The following SLIT1 variants were observed in gnomAD, a reference collection of about 807,000 sequenced individuals.
SLIT1 encodes the protein slit homolog 1 protein.
Under a neutral mutation model 186.1 loss-of-function variants are expected in SLIT1, and 66 were observed. The observed-to-expected ratio is 0.35, with a 90% CI of 0.29 to 0.44. The LOEUF (loss-of-function observed/expected upper bound fraction) is 0.44. SLIT1 is among the 20% of genes least tolerant of loss of function. The probability of loss-of-function intolerance (pLI) is 1.00; values close to 1 mark genes in which losing one functional copy is unlikely to be tolerated. For synonymous variants in SLIT1, 761 were observed against 833.8 expected, an observed-to-expected ratio of 0.91 and a Z score of 1.50; for missense variants, 1,638 against 2,037.4, an observed-to-expected ratio of 0.80 and a Z score of 3.77.
chr10:97,035,919 A>G (rs1042008930), intron 22 of SLIT1, among the ~76,000 whole-genome samples: 6 of 152,086 alleles, frequency 3.9e-5, no homozygotes, highest in Admixed American at 6.5e-5. Flanking sequence ...CCCTCCCCGC[A>G]AGCCGCCTCC....
chr10:97,110,436 G>A (rs962935508), intron 4 of SLIT1, among the ~76,000 whole-genome samples: 1 of 152,112 alleles, frequency 6.6e-6, no homozygotes. Context: ...ACACCAAAAG[G>A]AAAGTGGGCA....
chr10:97,124,067 T>C (rs1849583309), intron 4 of SLIT1, among the ~76,000 whole-genome samples: 1 of 152,152 alleles, frequency 6.6e-6, no homozygotes, highest in African/African-American at 2.4e-5. Flanking sequence ...TTAACAGCAT[T>C]ATGCAGCGGA....
intron 11 of SLIT1, chr10:97,058,135 A>T (rs1272049323): frequency 7.1e-6 from 5 of 699,926 alleles, no homozygotes; most frequent in Non-Finnish European, 1.3e-5. Context: ...TGGGACAGTA[A>T]CTTGGTCTTT....
At chr10:97,109,795 G>A (rs1212281007) in intron 4 of SLIT1, among the ~76,000 whole-genome samples, 2 of 152,038 alleles carry the variant, frequency 1.3e-5, no homozygotes, top group African/African-American at 2.4e-5. Context: ...GAGAAACATC[G>A]CCGACAAACC....
intron 4 of SLIT1, among the ~76,000 whole-genome samples, chr10:97,147,891 T>C (rs940387700): frequency 2.0e-5 from 3 of 152,048 alleles, no homozygotes; most frequent in African/African-American, 7.2e-5. Flanking sequence ...TCCACTGGAG[T>C]CCAGTTCTTC....
intron 28 of SLIT1, among the ~76,000 whole-genome samples, chr10:97,017,951 C>T (rs1337700339): frequency 1.3e-5 from 2 of 151,262 alleles, no homozygotes; most frequent in African/African-American, 2.4e-5. Flanking sequence ...CAGTTTCAAG[C>T]GATTCTCCTG....
intron 4 of SLIT1, among the ~76,000 whole-genome samples, chr10:97,070,461 G>A (rs1346700072): frequency 6.6e-6 from 1 of 152,296 alleles, no homozygotes; most frequent in East Asian, 1.9e-4. Flanking sequence ...CACCAGTGCA[G>A]ACCCAACCAC....
chr10:97,026,388 C>T (rs1403738799), intron 25 of SLIT1, among the ~76,000 whole-genome samples: 7 of 151,318 alleles, frequency 4.6e-5, no homozygotes, highest in African/African-American at 1.5e-4. Flanking sequence ...TGGTTGAACC[C>T]GGGAGGCGGA....
At chr10:97,179,621 A>T (rs1850303879) in intron 1 of SLIT1, among the ~76,000 whole-genome samples, 1 of 152,166 alleles carries the variant, frequency 6.6e-6, no homozygotes, top group Admixed American at 6.5e-5. Flanking sequence ...GTCTCTATGG[A>T]CATCCTTACA....
At chr10:97,085,084 C>CG (rs984277842) in intron 4 of SLIT1, among the ~76,000 whole-genome samples, 3 of 151,876 alleles carry the variant, frequency 2.0e-5, no homozygotes, top group African/African-American at 7.3e-5. Flanking sequence ...CTACCACACC[C>CG]GGCTAATTTT....
intron 3 of SLIT1, among the ~76,000 whole-genome samples, chr10:97,161,825 A>G (rs1850030938): frequency 6.6e-6 from 1 of 152,206 alleles, no homozygotes; most frequent in Non-Finnish European, 1.5e-5. Flanking sequence ...AAGAGCTCAG[A>G]CTTTGAAGGC....
intron 11 of SLIT1, chr10:97,057,926 C>G: frequency 1.4e-6 from 1 of 712,992 alleles, no homozygotes. Flanking sequence ...TTCCCAATAT[C>G]ATAATCGGAC....
intron 4 of SLIT1, among the ~76,000 whole-genome samples, chr10:97,074,284 C>T (rs2134648508): frequency 6.6e-6 from 1 of 152,280 alleles, no homozygotes; most frequent in African/African-American, 2.4e-5. Context: ...TACATGAGTC[C>T]TCTGCTCTAA....
intron 1 of SLIT1, among the ~76,000 whole-genome samples, chr10:97,176,730 A>C: frequency 6.6e-6 from 1 of 151,854 alleles, no homozygotes; most frequent in South Asian, 2.1e-4. Flanking sequence ...TGCTCTCCAC[A>C]CTGCTAACCC....
chr10:97,108,243 T>C (rs1475742281), intron 4 of SLIT1, among the ~76,000 whole-genome samples: 1 of 152,102 alleles, frequency 6.6e-6, no homozygotes, highest in Non-Finnish European at 1.5e-5. Context: ...GAGGGTAGGC[T>C]CTCCTTGCTG....
At chr10:97,108,853 G>A (rs919968280) in intron 4 of SLIT1, among the ~76,000 whole-genome samples, 22 of 132,988 alleles carry the variant, frequency 1.7e-4, no homozygotes, top group Middle Eastern at 4.8e-3. Context: ...GCGCCACTGC[G>A]CTCCAGCCTG....
At chr10:97,075,841 G>A (rs556766309) in intron 4 of SLIT1, among the ~76,000 whole-genome samples, 1 of 152,308 alleles carries the variant, frequency 6.6e-6, no homozygotes, top group Non-Finnish European at 1.5e-5. Flanking sequence ...GGTGTAAAAT[G>A]TTTTAATGTC....
intron 1 of SLIT1, among the ~76,000 whole-genome samples, chr10:97,166,557 A>AGGAAAGAGAGAGAG (rs1283710320): frequency 4.3e-4 from 24 of 55,208 alleles, no homozygotes; most frequent in Admixed American, 1.4e-3. Context: ...GAAGGAAGGA[A>AGGAAAGAGAGAGAG]AGAGAGAGAG....
chr10:97,064,921 G>A (rs1021877979), intron 5 of SLIT1, 45 bp from the exon 6 acceptor site: 7 of 1,487,786 alleles, frequency 4.7e-6, no homozygotes, highest in Non-Finnish European at 5.6e-6. Context: ...ACATTGCCTA[G>A]AGTAAGGGTG....
Sources: allele counts gnomAD v4.1 joint callset (sites outside exome capture counted in the v4.1 genomes callset), GRCh38; gene constraint gnomAD v4.1.1; transcripts MANE v1.5; gene names NCBI Gene and HGNC (gene_info 2026-07-23, HGNC 2026-07-21).